The following MGAT4C variants were observed in gnomAD, a reference collection of about 807,000 sequenced individuals.
MGAT4C encodes the protein alpha-1,3-mannosyl-glycoprotein 4-beta-N-acetylglucosaminyltransferase C.
Under a neutral mutation model 40.1 loss-of-function variants are expected in MGAT4C, and 19 were observed. The ratio of observed to expected loss-of-function variants is 0.47; its 90% CI spans 0.33 to 0.70. The LOEUF (loss-of-function observed/expected upper bound fraction) is 0.70, where lower values mean the gene tolerates loss of function less well. Ranked by LOEUF, MGAT4C falls within the 30% of genes least tolerant of loss-of-function variation. The pLI, the probability that MGAT4C is intolerant of heterozygous loss-of-function variation, is 0.02. For synonymous variants in MGAT4C, 181 were observed against 187.1 expected (o/e 0.97, Z 0.27); for missense variants, 491 against 563.2 (o/e 0.87, Z 1.30).
chr12:86,352,438 T>C (rs901584931), intron 3 of MGAT4C, among the ~76,000 whole-genome samples: 5 of 152,120 alleles, frequency 3.3e-5, no homozygotes, highest in African/African-American at 1.2e-4. Context: ...TTCCTATGTA[T>C]ACGAACACCT....
At chr12:86,235,464 C>T (rs147747510) in intron 1 of MGAT4C, among the ~76,000 whole-genome samples, 109 of 152,156 alleles carry the variant, frequency 7.2e-4, no homozygotes, top group Non-Finnish European at 1.3e-3. Context: ...CATACTAAGG[C>T]GTTACAAGAT....
intron 2 of MGAT4C, among the ~76,000 whole-genome samples, chr12:86,689,290 G>T (rs1360283150): frequency 6.6e-6 from 1 of 152,078 alleles, no homozygotes; most frequent in Non-Finnish European, 1.5e-5. Context: ...GTTAGAACAC[G>T]CTCCTTTAGC....
At chr12:86,450,743 C>T (rs543423580) in intron 2 of MGAT4C, among the ~76,000 whole-genome samples, 1 of 147,890 alleles carries the variant, frequency 6.8e-6, no homozygotes, top group South Asian at 2.3e-4. Flanking sequence ...TTCTTACACA[C>T]ACACAACACA....
chr12:86,716,067 G>A (rs1950640859), intron 2 of MGAT4C, among the ~76,000 whole-genome samples: 1 of 152,078 alleles, frequency 6.6e-6, no homozygotes, highest in Non-Finnish European at 1.5e-5. Flanking sequence ...TATATAATAT[G>A]TTGGTATGTT....
At chr12:86,497,204 T>C (rs1302599000) in intron 2 of MGAT4C, among the ~76,000 whole-genome samples, 2 of 151,978 alleles carry the variant, frequency 1.3e-5, no homozygotes, top group Non-Finnish European at 2.9e-5. Flanking sequence ...AATTCCTTTC[T>C]GCATGATTTA....
At chr12:86,678,106 CT>C (rs1593105913) in intron 2 of MGAT4C, among the ~76,000 whole-genome samples, 3 of 152,122 alleles carry the variant, frequency 2.0e-5, no homozygotes, top group African/African-American at 7.2e-5. Flanking sequence ...CTTCATTTCT[CT>C]ATTTGGATAT....
At chr12:86,246,592 A>G (rs1181859286) in intron 1 of MGAT4C, among the ~76,000 whole-genome samples, 1 of 152,186 alleles carries the variant, frequency 6.6e-6, no homozygotes, top group Non-Finnish European at 1.5e-5. Context: ...ACGTAGCTAT[A>G]TGTTCTATAA....
At chr12:86,080,674 A>G (rs1338905362) in intron 1 of MGAT4C, among the ~76,000 whole-genome samples, 3 of 152,148 alleles carry the variant, frequency 2.0e-5, no homozygotes, top group Admixed American at 6.5e-5. Flanking sequence ...TTTCATGTCT[A>G]GTGCTGTAAC....
In MGAT4C at chr12:85,961,471, T is replaced by C. The variant is rs1027644037; in HGVS notation, c.*17818A>G. The stretch of plus-strand genomic sequence containing the variant: ...ATTTAGGTTATAATCAAGATAATTA[T>C]GTATATATATAAAATTATATATGGT... On this transcript the variant is annotated 3_prime_UTR_variant, in exon 5 of 5. Coordinates refer to ENST00000611864, the MANE Select transcript of MGAT4C (RefSeq NM_001351288.2). 4 of 151,712 alleles carry C rather than the reference T, an allele frequency of 2.6e-5. No individual in the cohort carries two copies. The highest frequency in any genetic ancestry group is 4.8e-5 in the African/African-American group (2 of 41,392). 9.4% of individuals were successfully genotyped at this position (151,712 alleles called of 1,614,324 possible). A position where few individuals can be genotyped will look rare whatever the true frequency, so the allele number is the denominator to read the frequency against.
At chr12:86,410,161 T>C (rs1423421885) in intron 3 of MGAT4C, among the ~76,000 whole-genome samples, 1 of 152,160 alleles carries the variant, frequency 6.6e-6, no homozygotes, top group Non-Finnish European at 1.5e-5. Flanking sequence ...CGTATTGTCT[T>C]GATAAACATC....
Position 86,357,993 on chromosome 12 carries a change from T to C in MGAT4C, c.-119-23866A>G, listed in dbSNP as rs536413803. On this transcript the variant is annotated intron_variant, in intron 3 of 7. Transcript: ENST00000548651. ...AATACAGAGAACACCACAGCGATAC[T>C]CCTCGAGAAGAACAACCCCAAAACA... 6.6e-5 allele frequency among the ~76,000 whole-genome samples: 10 copies of C among 152,054 alleles called. No homozygotes were observed. In the South Asian group the frequency reaches 2.1e-3, roughly 32 times the overall value.
rs534952154 is a variant in MGAT4C at position 86,275,927 on chromosome 12, C to T, written c.-57+58138G>A. On this transcript the variant is annotated intron_variant, in intron 4 of 7. Coordinates refer to the MGAT4C transcript ENST00000548651. ...CATTTTGGCTAACACGGTGAAACCCCGTCTCTACTAAAAATCCAAAAAAAA... is the reference window on the plus strand; with the variant it reads ...CATTTTGGCTAACACGGTGAAACCCTGTCTCTACTAAAAATCCAAAAAAAA... Among the ~76,000 whole-genome samples the T allele has an allele frequency of 7.9e-5, 10 of 125,998 alleles. 1 individual carries two copies. Among genetic ancestry groups the T allele is most frequent in the Admixed American group, 5.8e-4 (6 of 10,352 alleles). 82.7% of individuals were successfully genotyped at this position (125,998 alleles called of 152,430 possible).
intron 1 of MGAT4C, among the ~76,000 whole-genome samples, chr12:86,766,205 AG>A: frequency 6.6e-6 from 1 of 152,174 alleles, no homozygotes; most frequent in East Asian, 1.9e-4. Flanking sequence ...AAAAAAAGGC[AG>A]GGGTTGCAAT....
chr12:86,157,951 A>G (rs1885157780), intron 1 of MGAT4C, among the ~76,000 whole-genome samples: 1 of 152,220 alleles, frequency 6.6e-6, no homozygotes, highest in South Asian at 2.1e-4. Flanking sequence ...CAATTCAGTA[A>G]TAAAGAATAT....
At chr12:86,095,862 T>C (rs187503676) in intron 1 of MGAT4C, among the ~76,000 whole-genome samples, 299 of 152,008 alleles carry the variant, frequency 2.0e-3, no homozygotes, top group African/African-American at 6.7e-3. Flanking sequence ...TTATATTGAC[T>C]ATTACTTAGT....
At chr12:86,666,518 A>G (rs1964111586) in intron 2 of MGAT4C, among the ~76,000 whole-genome samples, 1 of 152,146 alleles carries the variant, frequency 6.6e-6, no homozygotes, top group African/African-American at 2.4e-5. Flanking sequence ...ATAGGATCTA[A>G]GTTTGCTGAG....
Position 85,957,657 on chromosome 12 carries a change from C to CAAAAAAAAAAAAAAAAAG in MGAT4C, c.*21631_*21632insCTTTTTTTTTTTTTTTTT, listed in dbSNP as rs5799763. ...TTTACTGTAGAGTTGAATAAGAAAG[C>CAAAAAAAAAAAAAAAAAG]AAAAAAAAAAAAAAAAGAAAAAAGA... On this transcript the variant is annotated 3_prime_UTR_variant, in exon 5 of 5. Transcript: ENST00000611864. 5 of 101,306 alleles carry CAAAAAAAAAAAAAAAAAG rather than the reference C, an allele frequency of 4.9e-5. No individual in the cohort carries two copies. Among genetic ancestry groups the CAAAAAAAAAAAAAAAAAG allele is most frequent in the South Asian group, 3.3e-4 (1 of 3,020 alleles). 6.3% of individuals were successfully genotyped at this position (101,306 alleles called of 1,614,324 possible). A position where few individuals can be genotyped will look rare whatever the true frequency, so the allele number is the denominator to read the frequency against.
intron 4 of MGAT4C, among the ~76,000 whole-genome samples, chr12:86,290,297 A>G (rs905960896): frequency 6.6e-6 from 1 of 152,182 alleles, no homozygotes; most frequent in Admixed American, 6.5e-5. Context: ...TCAGCCTACC[A>G]AAGTGCTGGG....
chr12:86,826,193 TG>T (rs1952803639), intron 1 of MGAT4C, among the ~76,000 whole-genome samples: 1 of 151,474 alleles, frequency 6.6e-6, no homozygotes, highest in Non-Finnish European at 1.5e-5. Context: ...CTGCCTAATT[TG>T]CACATAAGCC....
Sources: allele counts gnomAD v4.1 joint callset (sites outside exome capture counted in the v4.1 genomes callset), GRCh38; gene constraint gnomAD v4.1.1; transcripts MANE v1.5; gene names NCBI Gene and HGNC (gene_info 2026-07-23, HGNC 2026-07-21).